DNM1L: variants seen among roughly 807,000 people sequenced by gnomAD.
DNM1L encodes dynamin 1L, also known as dynamin-1-like protein.
DNM1L carries 33 observed loss-of-function variants against 92.8 expected under a neutral mutation model. The observed-to-expected ratio is 0.36, with a 90% CI of 0.27 to 0.48. The LOEUF is 0.48. Ranked by LOEUF, DNM1L falls within the 20% of genes least tolerant of loss-of-function variation. DNM1L has a pLI of 0.99. For synonymous variants in DNM1L, 284 were observed against 305.0 expected, an observed-to-expected ratio of 0.93 and a Z score of 0.72; for missense variants, 485 against 888.8, an observed-to-expected ratio of 0.55 and a Z score of 5.78.
chr12:32,714,616 C>G (rs1469647369), intron 6 of DNM1L, among the ~76,000 whole-genome samples: 1 of 151,946 alleles, frequency 6.6e-6, no homozygotes, highest in Non-Finnish European at 1.5e-5. Context: ...TTTTTTACCA[C>G]TTGAGTAAAT....
intron 6 of DNM1L, among the ~76,000 whole-genome samples, chr12:32,716,244 G>GC (rs969793164): frequency 1.3e-5 from 2 of 150,842 alleles, no homozygotes; most frequent in African/African-American, 2.5e-5. Context: ...AAATTTGGTG[G>GC]GGGGGGGTGG....
chr12:32,738,384 G>A (rs1955050384), intron 16 of DNM1L, 88 bp downstream of exon 16: 1 of 1,383,856 alleles, frequency 7.2e-7, no homozygotes, highest in East Asian at 2.3e-5. Flanking sequence ...ACCTGTTTGT[G>A]TAGTGGTATC....
chr12:32,706,213 G>GA (rs1192520637), intron 2 of DNM1L: 1 of 194,878 alleles, frequency 5.1e-6, no homozygotes, highest in Admixed American at 5.9e-5. Context: ...AGACTTCTTG[G>GA]AAGAAGGTAC....
chr12:32,713,425 C>G (rs2137373968), intron 6 of DNM1L, 54 bp downstream of exon 6: 1 of 1,588,730 alleles, frequency 6.3e-7, no homozygotes, highest in East Asian at 2.2e-5. Flanking sequence ...GTAAATCTAC[C>G]CTTGAGAAAG....
chr12:32,695,385 G>T (rs1427641606), intron 1 of DNM1L, among the ~76,000 whole-genome samples: 2 of 152,064 alleles, frequency 1.3e-5, no homozygotes, highest in African/African-American at 2.4e-5. Context: ...AAGACAAAAG[G>T]CAAGACAGAA....
intron 1 of DNM1L, among the ~76,000 whole-genome samples, chr12:32,694,422 T>C (rs1952355179): frequency 6.6e-6 from 1 of 152,238 alleles, no homozygotes; most frequent in Non-Finnish European, 1.5e-5. Context: ...TCAAATAATA[T>C]GTGGTCTTTT....
At chr12:32,737,331 A>AG (rs1954958220) in intron 14 of DNM1L, 170 bp downstream of exon 14, 1 of 623,288 alleles carries the variant, frequency 1.6e-6, no homozygotes, top group Non-Finnish European at 2.8e-6. Context: ...AGTGATTTAA[A>AG]GATAATAGTA....
At chr12:32,717,442 A>G (rs1477664769) in intron 6 of DNM1L, among the ~76,000 whole-genome samples, 8 of 96,298 alleles carry the variant, frequency 8.3e-5, no homozygotes, top group African/African-American at 3.7e-4. Context: ...TATATTTTAA[A>G]TATATACTAT....
At position 32,722,569 on chromosome 12, in the gene DNM1L, A is replaced by C. The variant is rs2137445906; in HGVS notation, c.1015A>C (p.Lys339Gln). The C allele has an allele frequency of 6.2e-7, 1 of 1,613,484 alleles. No homozygotes were observed. The highest frequency in any genetic ancestry group is 1.3e-5 in the African/African-American group (1 of 75,028). Residue 339 changes from lysine (K) to glutamine (Q), a missense_variant, in exon 9 of 20, where the codon AAA (lysine) becomes CAA (glutamine). Physicochemically the swap from Lys to Gln is moderately conservative, Grantham distance 53. Coordinates refer to ENST00000549701, the MANE Select transcript of DNM1L (RefSeq NM_012062.5). ...TGCTACTTTACTCCAACTTATTACC[A>C]AATTTGCCACAGAATATTGTAACAC... Reference protein sequence around the residue: ...KSATLLQLITKFATEYCNTIE... With the variant: ...KSATLLQLITQFATEYCNTIE...
intron 7 of DNM1L, among the ~76,000 whole-genome samples, chr12:32,719,171 G>A (rs951637050): frequency 4.6e-5 from 7 of 151,962 alleles, no homozygotes; most frequent in Non-Finnish European, 7.4e-5. Flanking sequence ...GGCTTGTCTC[G>A]ACTTCCTGGG....
Position 32,743,337 on chromosome 12 carries a change from T to C in DNM1L, c.2155-17T>C. 4 of 1,612,378 alleles carry C rather than the reference T, an allele frequency of 2.5e-6. No homozygotes were observed. Among genetic ancestry groups the C allele is most frequent in the Non-Finnish European group, 3.4e-6 (4 of 1,179,308 alleles). ...ACTTTATAATAAGCATTTAAAATTT[T>C]TTTTCCTTTAATGCAGGCATTACAA... is the stretch of plus-strand genomic sequence containing the variant. On this transcript the variant is annotated splice_polypyrimidine_tract_variant and intron_variant, in intron 19 of 19. Transcript: ENST00000549701.
At chr12:32,698,160 T>A (rs1044555092) in intron 1 of DNM1L, among the ~76,000 whole-genome samples, 1 of 152,186 alleles carries the variant, frequency 6.6e-6, no homozygotes, top group Admixed American at 6.5e-5. Context: ...TTCGCAGACA[T>A]GTCTTATATT....
rs1287202208 is a variant in DNM1L, at chr12:32,685,642, C to T, written c.102+6177C>T. Among the ~76,000 whole-genome samples the T allele has an allele frequency of 2.0e-5, 3 of 152,118 alleles. No individual in the cohort carries two copies. The South Asian group carries it at 6.2e-4, about 32-fold the overall frequency. ...CCTCCCAAAGTGCTGGGATTACAGG[C>T]GTGAGCTGCTGCGCCCAGCCGTGGC... On this transcript the variant is annotated intron_variant, in intron 1 of 19. Coordinates refer to ENST00000549701, the MANE Select transcript of DNM1L (RefSeq NM_012062.5).
intron 1 of DNM1L, among the ~76,000 whole-genome samples, chr12:32,684,108 A>G (rs567322399): frequency 6.6e-6 from 1 of 152,340 alleles, no homozygotes; most frequent in Non-Finnish European, 1.5e-5. Context: ...GTATGTTCAC[A>G]AAGTTGTACC....
intron 2 of DNM1L, among the ~76,000 whole-genome samples, chr12:32,702,601 T>C (rs1952759601): frequency 6.6e-6 from 1 of 152,192 alleles, no homozygotes; most frequent in Non-Finnish European, 1.5e-5. Context: ...GATGGGATGA[T>C]AGTTTTGACA....
intron 4 of DNM1L, among the ~76,000 whole-genome samples, 183 bp downstream of exon 4, chr12:32,708,407 T>C (rs1242265451): frequency 3.3e-5 from 5 of 152,234 alleles, no homozygotes; most frequent in Admixed American, 6.5e-5. Flanking sequence ...TTCACAGATA[T>C]ATAGAACTTT....
rs760055468 is a variant in DNM1L, at chr12:32,708,161, G to A, written c.306G>A (p.Thr102=). The A allele has an allele frequency of 4.4e-6, 7 of 1,598,320 alleles. No individual in the cohort carries two copies. Among genetic ancestry groups the A allele is most frequent in the Non-Finnish European group, 5.1e-6 (6 of 1,167,204 alleles). Residue 102 remains threonine (T), a synonymous_variant, in exon 4 of 20, where the codon ACG becomes ACA. Coordinates refer to ENST00000549701, the MANE Select transcript of DNM1L (RefSeq NM_012062.5). The part of the protein sequence containing the change: ...KFLHTKNKLY[T]DFDEIRQEIE... ...ATTTCAAAAATTTTTAGCTTTACAC[G>A]GATTTTGATGAAATTCGACAAGAAA...
At chr12:32,714,968 C>T (rs1953297739) in intron 6 of DNM1L, among the ~76,000 whole-genome samples, 1 of 152,114 alleles carries the variant, frequency 6.6e-6, no homozygotes, top group African/African-American at 2.4e-5. Flanking sequence ...CCATTGCACT[C>T]TTGCCTGGGC....
intron 9 of DNM1L, 130 bp downstream of exon 9, chr12:32,722,763 A>G: frequency 1.4e-6 from 1 of 713,492 alleles, no homozygotes; most frequent in Non-Finnish European, 2.4e-6. Flanking sequence ...ATAACTTTGT[A>G]GAGATAATAG....
Sources: allele counts gnomAD v4.1 joint callset (sites outside exome capture counted in the v4.1 genomes callset), GRCh38; gene constraint gnomAD v4.1.1; transcripts MANE v1.5; gene names NCBI Gene and HGNC (gene_info 2026-07-23, HGNC 2026-07-21).